Variants in KCNAB2 observed in about 807,000 individuals in gnomAD.
KCNAB2 encodes the protein voltage-gated potassium channel subunit beta-2.
Under a neutral mutation model 63.6 loss-of-function variants are expected in KCNAB2, and 29 were observed. That is an observed-to-expected ratio of 0.46 (90% CI 0.34 to 0.62). KCNAB2 has a LOEUF of 0.62. KCNAB2 is among the 20% of genes least tolerant of loss of function. The probability of loss-of-function intolerance (pLI) is 0.01; values close to 1 mark genes in which losing one functional copy is unlikely to be tolerated. For missense variants in KCNAB2, 359 were observed against 563.9 expected (o/e 0.64, Z 3.68); for synonymous variants, 222 against 224.2 (o/e 0.99, Z 0.09).
intron 1 of KCNAB2, among the ~76,000 whole-genome samples, chr1:6,020,040 G>A (rs931894822): frequency 6.6e-6 from 1 of 152,198 alleles, no homozygotes; most frequent in Non-Finnish European, 1.5e-5. Flanking sequence ...CACAGGTGGA[G>A]GTCTTGCGGA....
In KCNAB2 at chr1:6,073,343, C is replaced by T. The variant is rs1361049715; in HGVS notation, c.263-390C>T. 6.6e-6 allele frequency among the ~76,000 whole-genome samples: 1 copy of T among 152,150 alleles called. No individual in the cohort carries two copies. The highest frequency in any genetic ancestry group is 2.4e-5 in the African/African-American group (1 of 41,432). The stretch of plus-strand genomic sequence containing the variant: ...CACTGCCCTGACACCGCCCTCCCCG[C>T]TCTGTCCCAGCAGGAGCACGCAGAC... On this transcript the variant is annotated intron_variant, in intron 3 of 15. Transcript: ENST00000378083. This position sits in a 1 kb window ranked among gnomAD's most constrained non-coding sequence, Gnocchi z 5.7.
In KCNAB2 at chr1:6,086,886, C is replaced by T. The variant is rs1364336309; in HGVS notation, c.426-581C>T. ...CCCCGACCAGGCCGTCCTTATGCCT[C>T]CCCTCCCTCCCTTGGTGCCCCTCAA... On this transcript the variant is annotated intron_variant, in intron 6 of 15. Coordinates refer to ENST00000378083, the MANE Select transcript of KCNAB2 (RefSeq NM_001199862.2). This position sits in a 1 kb window ranked among gnomAD's most constrained non-coding sequence, Gnocchi z 4.2. Among the ~76,000 whole-genome samples the T allele has an allele frequency of 2.0e-5, 3 of 151,206 alleles. No individual in the cohort carries two copies. The highest frequency in any genetic ancestry group is 4.4e-5 in the Non-Finnish European group (3 of 67,816).
intron 5 of KCNAB2, among the ~76,000 whole-genome samples, chr1:6,083,061 G>A (rs1664346156): frequency 1.3e-5 from 2 of 152,122 alleles, no homozygotes; most frequent in African/African-American, 4.8e-5. Context: ...CCAGAGCCTG[G>A]GGAGCGCACA....
rs1663177375 is a variant in KCNAB2, at chr1:6,071,462, C to A, written c.219-1293C>A. On this transcript the variant is annotated intron_variant, in intron 2 of 15. Transcript: ENST00000378083. This position sits in a 1 kb window ranked among gnomAD's most constrained non-coding sequence, Gnocchi z 8.5. Reference sequence around the variant, plus strand: ...TGAGATCCACCCGGCCACTTGTCAACCTCACCATCTGGGCAGATCACGCCC... The same window carrying A: ...TGAGATCCACCCGGCCACTTGTCAAACTCACCATCTGGGCAGATCACGCCC... Among the ~76,000 whole-genome samples, 1 of 152,242 alleles carries A rather than the reference C, an allele frequency of 6.6e-6. No homozygotes were observed. Among genetic ancestry groups the A allele is most frequent in the South Asian group, 2.1e-4 (1 of 4,836 alleles).
chr1:6,042,519 T>G (rs868452591), upstream of KCNAB2, among the ~76,000 whole-genome samples: 15 of 152,292 alleles, frequency 9.8e-5, no homozygotes, highest in African/African-American at 2.9e-4. Flanking sequence ...CTCTCTGGGC[T>G]GCCTCTCCCT....
intron 1 of KCNAB2, among the ~76,000 whole-genome samples, chr1:6,013,643 C>T (rs907221252): frequency 1.3e-4 from 20 of 152,162 alleles, no homozygotes; most frequent in Non-Finnish European, 2.9e-4. Context: ...GAGCCACCTG[C>T]ACCCCTGTCT....
intron 1 of KCNAB2, among the ~76,000 whole-genome samples, 154 bp from the exon 2 acceptor site, chr1:6,051,357 C>G (rs1172254977): frequency 1.3e-5 from 2 of 152,236 alleles, no homozygotes; most frequent in African/African-American, 4.8e-5. Flanking sequence ...GTGTTTACAT[C>G]CAGGGGCCGG....
In KCNAB2 at chr1:6,046,088, T is replaced by C. The variant is rs1464691284; in HGVS notation, c.-122T>C. On this transcript the variant is annotated 5_prime_UTR_variant, in exon 1 of 16. It removes an upstream start codon present in the reference 5' UTR. Coordinates refer to ENST00000378083, the MANE Select transcript of KCNAB2 (RefSeq NM_001199862.2). Reference sequence around the variant, plus strand: ...GACGTCCTGCAGTGACACTCCCTAATGAAAAAGCCGCTGTGCCAGATCCTT... The same window carrying C: ...GACGTCCTGCAGTGACACTCCCTAACGAAAAAGCCGCTGTGCCAGATCCTT... The C allele has an allele frequency of 4.1e-6, 4 of 985,430 alleles. No individual in the cohort carries two copies. In the Admixed American group the frequency reaches 1.8e-4, roughly 45 times the overall value. The allele number at this position is 985,430 out of a possible 1,614,324, so 61.0% of individuals were successfully genotyped here. A position where few individuals can be genotyped will look rare whatever the true frequency, so the allele number is the denominator to read the frequency against.
At chr1:6,009,745 G>A (rs1171993042) in intron 1 of KCNAB2, among the ~76,000 whole-genome samples, 6 of 152,190 alleles carry the variant, frequency 3.9e-5, no homozygotes, top group African/African-American at 7.2e-5. Flanking sequence ...GGTTTCTATC[G>A]GAGTGCTCTC....
chr1:6,085,283 G>T (rs200963488), intron 6 of KCNAB2, 35 bp downstream of exon 6: 181 of 1,600,904 alleles, frequency 1.1e-4, no homozygotes, highest in Non-Finnish European at 2.2e-5. Flanking sequence ...TGTCCCTGGG[G>T]TGGGTGCGGG....
intron 1 of KCNAB2, among the ~76,000 whole-genome samples, chr1:6,025,575 T>C (rs535088859): frequency 6.6e-6 from 1 of 152,268 alleles, no homozygotes; most frequent in African/African-American, 2.4e-5. Context: ...CTCTGGCCCG[T>C]CCTCCCCAGG....
At position 6,051,608 on chromosome 1, in the gene KCNAB2, C is replaced by T. The variant is rs1244559753; in HGVS notation, c.72C>T (p.His24=). 5 of 1,534,868 alleles carry T rather than the reference C, an allele frequency of 3.3e-6. No homozygotes were observed. Among genetic ancestry groups the T allele is most frequent in the Non-Finnish European group, 4.4e-6 (5 of 1,146,656 alleles). Residue 24 remains histidine, a synonymous_variant, in exon 2 of 16, where the codon CAC becomes CAT. Coordinates refer to ENST00000378083, the MANE Select transcript of KCNAB2 (RefSeq NM_001199862.2). ...GGTGCCACTCTGAATGGGCCCTGCA[C>T]CCCGTCCGCCAGACGGACACGCTGG... is the stretch of plus-strand genomic sequence containing the variant. ...SSRCHSEWAL[H]PVRQTDTLEL... is the part of the protein sequence containing the mutation.
At chr1:5,996,152 T>A (rs2102528804) in intron 1 of KCNAB2, 1 of 152,508 alleles carries the variant, frequency 6.6e-6, no homozygotes, top group Admixed American at 6.5e-5. Flanking sequence ...AACAGGACCC[T>A]CTTCCCCAGG....
chr1:6,000,678 G>A (rs916643880), intron 1 of KCNAB2, among the ~76,000 whole-genome samples: 1 of 150,072 alleles, frequency 6.7e-6, no homozygotes, highest in Non-Finnish European at 1.5e-5. Context: ...AAAGAAAACA[G>A]TGATATCCCT....
At position 6,086,008 on chromosome 1, in the gene KCNAB2, C is replaced by T; in HGVS notation, c.425+760C>T. The T allele has an allele frequency of 1.0e-6, 1 of 985,498 alleles. No individual in the cohort carries two copies. The highest frequency in any genetic ancestry group is 1.1e-4 in the East Asian group (1 of 8,810). The allele number at this position is 985,498 out of a possible 1,614,324, so 61.0% of individuals were successfully genotyped here. ...TCTCCCAGGAGCCTATGGGCCCTTC[C>T]CAGGCCAAGGTCCTCACCCACCTTG... On this transcript the variant is annotated intron_variant, in intron 6 of 15. Transcript: ENST00000378083. This position sits in a 1 kb window ranked among gnomAD's most constrained non-coding sequence, Gnocchi z 4.2.
intron 1 of KCNAB2, among the ~76,000 whole-genome samples, chr1:6,013,056 A>G (rs771919149): frequency 3.9e-5 from 6 of 152,108 alleles, no homozygotes; most frequent in Non-Finnish European, 8.8e-5. Flanking sequence ...ATGACCTCCC[A>G]TCGCTCCACT....
rs1014883216 is a variant in KCNAB2 at position 6,074,724 on chromosome 1, C to A, written c.300+954C>A. Among the ~76,000 whole-genome samples the A allele has an allele frequency of 6.6e-6, 1 of 152,136 alleles. No individual in the cohort carries two copies. Among genetic ancestry groups the A allele is most frequent in the Admixed American group, 6.5e-5 (1 of 15,286 alleles). ...CCTGTAACCCCAGCACTTTGGAAGG[C>A]TGGGGCGGGCGGATCACCTGAGGTC... On this transcript the variant is annotated intron_variant, in intron 4 of 15. Coordinates refer to ENST00000378083, the MANE Select transcript of KCNAB2 (RefSeq NM_001199862.2). This position sits in a 1 kb window ranked among gnomAD's most constrained non-coding sequence, Gnocchi z 4.9.
intron 1 of KCNAB2, among the ~76,000 whole-genome samples, chr1:6,014,447 A>G (rs1658367853): frequency 6.6e-6 from 1 of 152,246 alleles, no homozygotes; most frequent in South Asian, 2.1e-4. Context: ...TACTACGCTT[A>G]TTTCATTTCA....
At chr1:6,042,028 C>A (rs1660541097), upstream of KCNAB2, among the ~76,000 whole-genome samples, 1 of 152,024 alleles carries the variant, frequency 6.6e-6, no homozygotes, top group Admixed American at 6.6e-5. Context: ...TGTGCCTACC[C>A]ACAGGATGCT....
Sources: gnomAD v4.1 joint callset for allele counts (sites outside exome capture counted in the v4.1 genomes callset) on GRCh38, gnomAD v4.1.1 for gene constraint, Gnocchi (gnomAD v3.1) non-coding constraint, MANE v1.5 for transcripts, NCBI Gene and HGNC (gene_info 2026-07-23, HGNC 2026-07-21) for gene names.